FSTL4: variants seen among roughly 807,000 people sequenced by gnomAD.
FSTL4 encodes follistatin like 4, also known as follistatin-related protein 4.
A neutral mutation model predicts 78.2 loss-of-function variants in FSTL4; 28 were observed. The ratio of observed to expected loss-of-function variants is 0.36; its 90% CI spans 0.27 to 0.49. The LOEUF (loss-of-function observed/expected upper bound fraction) is 0.49. Among genes scored for constraint, FSTL4 ranks in the 20% least tolerant of loss-of-function variants. The pLI, the probability that FSTL4 is intolerant of heterozygous loss-of-function variation, is 0.98. For synonymous variants in FSTL4, 422 were observed against 440.5 expected, an observed-to-expected ratio of 0.96 and a Z score of 0.53; for missense variants, 922 against 1,084.9, an observed-to-expected ratio of 0.85 and a Z score of 2.11.
intron 3 of FSTL4, among the ~76,000 whole-genome samples, chr5:133,509,018 C>T (rs969898157): frequency 1.3e-5 from 2 of 152,214 alleles, no homozygotes; most frequent in African/African-American, 4.8e-5. Flanking sequence ...CATTAAAGGA[C>T]TTGCTATTGG....
intron 3 of FSTL4, among the ~76,000 whole-genome samples, chr5:133,470,811 T>TA (rs1246617283): frequency 6.9e-6 from 1 of 144,842 alleles, no homozygotes; most frequent in Non-Finnish European, 1.5e-5. Flanking sequence ...TAAAAATAAA[T>TA]AAATAAAAAC....
chr5:133,390,475 T>C (rs1250540737), intron 4 of FSTL4, among the ~76,000 whole-genome samples: 1 of 152,250 alleles, frequency 6.6e-6, no homozygotes, highest in Non-Finnish European at 1.5e-5. Flanking sequence ...CTGGCCCTCA[T>C]GAGGCACCCA....
intron 3 of FSTL4, among the ~76,000 whole-genome samples, chr5:133,425,566 C>G (rs77621309): frequency 0.041 from 6,194 of 152,314 alleles, 205 homozygotes; most frequent in African/African-American, 0.085. Flanking sequence ...AGAATTAATG[C>G]CCAACTGACC....
intron 13 of FSTL4, among the ~76,000 whole-genome samples, chr5:133,214,504 A>G (rs547842110): frequency 5.3e-5 from 8 of 152,282 alleles, no homozygotes; most frequent in South Asian, 2.1e-4. Flanking sequence ...TATACCCACA[A>G]TTCTTAAGTG....
the FSTL4 span, among the ~76,000 whole-genome samples, chr5:133,811,403 A>G: frequency 6.6e-6 from 1 of 152,042 alleles, no homozygotes; most frequent in Admixed American, 6.5e-5. Flanking sequence ...TGCTCTCATA[A>G]ATGGGTGTCT....
intron 3 of FSTL4, among the ~76,000 whole-genome samples, chr5:133,414,386 T>C (rs554696388): frequency 2.0e-5 from 3 of 152,196 alleles, no homozygotes; most frequent in Admixed American, 6.5e-5. Context: ...CCCAGGTGTA[T>C]ATATATAGGG....
At chr5:133,312,246 C>A (rs10069024) in intron 6 of FSTL4, among the ~76,000 whole-genome samples, 2,657 of 152,264 alleles carry the variant, frequency 0.017, 88 homozygotes, top group African/African-American at 0.061. Flanking sequence ...CATGGCCAAG[C>A]CTCCAGGCCC....
chr5:133,630,925 T>C, the FSTL4 span, among the ~76,000 whole-genome samples: 14 of 152,316 alleles, frequency 9.2e-5, no homozygotes, highest in South Asian at 6.2e-4. Context: ...TTGGGAAAAC[T>C]GGCTAGCCAT....
chr5:133,386,252 TA>T (rs1459286977), intron 4 of FSTL4, among the ~76,000 whole-genome samples: 2 of 152,168 alleles, frequency 1.3e-5, no homozygotes, highest in Non-Finnish European at 2.9e-5. Flanking sequence ...TCTGGTTTTT[TA>T]AAAAGGGTAG....
At chr5:133,325,288 T>C (rs1754178550) in intron 4 of FSTL4, among the ~76,000 whole-genome samples, 1 of 152,160 alleles carries the variant, frequency 6.6e-6, no homozygotes, top group Admixed American at 6.5e-5. Context: ...GAGCCGACCC[T>C]GTGGACCATC....
the FSTL4 span, among the ~76,000 whole-genome samples, chr5:133,718,084 G>GT: frequency 6.7e-6 from 1 of 149,950 alleles, no homozygotes; most frequent in African/African-American, 2.5e-5. Flanking sequence ...TTGTTTGTTT[G>GT]TTTTTTGGTT....
the FSTL4 span, among the ~76,000 whole-genome samples, chr5:133,832,101 T>C: frequency 2.6e-5 from 4 of 152,192 alleles, no homozygotes; most frequent in Non-Finnish European, 5.9e-5. Context: ...CGGACTTAAC[T>C]GGGGCTTGTC....
chr5:133,581,784 T>A (rs1760416661), intron 2 of FSTL4, among the ~76,000 whole-genome samples: 1 of 152,238 alleles, frequency 6.6e-6, no homozygotes, highest in Non-Finnish European at 1.5e-5. Context: ...ATCAGCATTT[T>A]TTGAAGCCAC....
intron 3 of FSTL4, among the ~76,000 whole-genome samples, chr5:133,537,049 T>C (rs189052950): frequency 1.3e-5 from 2 of 152,310 alleles, no homozygotes; most frequent in Admixed American, 1.3e-4. Context: ...AGCCAAACTG[T>C]TTCCCAAAAG....
intron 3 of FSTL4, among the ~76,000 whole-genome samples, chr5:133,476,796 C>G (rs1165709824): frequency 6.6e-6 from 1 of 152,190 alleles, no homozygotes; most frequent in Non-Finnish European, 1.5e-5. Flanking sequence ...TAGAGTGGAC[C>G]TCACTGACCC....
the FSTL4 span, among the ~76,000 whole-genome samples, chr5:133,671,009 T>A: frequency 6.6e-6 from 1 of 152,068 alleles, no homozygotes; most frequent in East Asian, 1.9e-4. Flanking sequence ...GAGGAAGAGG[T>A]GATGTTGTAC....
the FSTL4 span, among the ~76,000 whole-genome samples, chr5:133,787,861 G>A: frequency 6.6e-6 from 1 of 152,228 alleles, no homozygotes; most frequent in Non-Finnish European, 1.5e-5. Context: ...TGTTCTACCT[G>A]CCAATCTCAC....
chr5:133,278,264 G>A (rs1162832416), intron 6 of FSTL4, among the ~76,000 whole-genome samples: 3 of 152,190 alleles, frequency 2.0e-5, no homozygotes, highest in Non-Finnish European at 2.9e-5. Context: ...GAGCTCTGGG[G>A]TTCCATGTGG....
At chr5:133,202,318 T>TGTCA in intron 14 of FSTL4, 1 of 238,046 alleles carries the variant, frequency 4.2e-6, no homozygotes, top group Non-Finnish European at 8.1e-6. Context: ...TGCTGCACTT[T>TGTCA]GTCAGCCACC....
Sources: gnomAD v4.1 joint callset for allele counts (sites outside exome capture counted in the v4.1 genomes callset) on GRCh38, gnomAD v4.1.1 for gene constraint, MANE v1.5 for transcripts, NCBI Gene and HGNC (gene_info 2026-07-23, HGNC 2026-07-21) for gene names.